The following CXorf38 variants were observed in gnomAD, a reference collection of about 807,000 sequenced individuals.
CXorf38 encodes chromosome X open reading frame 38, also known as uncharacterized protein CXorf38.
Under a neutral mutation model 27.5 loss-of-function variants are expected in CXorf38, and 13 were observed. That is an observed-to-expected ratio of 0.47 (90% CI 0.31 to 0.75). The LOEUF (loss-of-function observed/expected upper bound fraction) is 0.75. CXorf38 is among the 30% of genes least tolerant of loss of function. The pLI is 0.05. For missense variants in CXorf38, 240 were observed against 253.2 expected (o/e 0.95, Z 0.35); for synonymous variants, 100 against 99.8 (o/e 1.00, Z -0.01).
chrX:40,639,542 T>G (rs1444587843), intron 2 of CXorf38: 2 of 116,172 alleles, frequency 1.7e-5, no homozygotes, highest in African/African-American at 6.5e-5. Flanking sequence ...AGTATTATAT[T>G]AAGAGTCTGG....
intron 2 of CXorf38, chrX:40,640,327 C>A: frequency 4.1e-6 from 1 of 246,437 alleles, no homozygotes; most frequent in Non-Finnish European, 7.6e-6. Context: ...GACCCTGTTT[C>A]AAAACAAAAA....
intron 3 of CXorf38, among the ~76,000 whole-genome samples, chrX:40,638,636 G>A (rs1166267306): frequency 8.9e-6 from 1 of 112,084 alleles, no homozygotes; most frequent in Non-Finnish European, 1.9e-5. Flanking sequence ...GCAATGTTCT[G>A]TATTTTTTTT....
chrX:40,636,230 G>A (rs1946353003), intron 5 of CXorf38, among the ~76,000 whole-genome samples: 1 of 112,390 alleles, frequency 8.9e-6, no homozygotes, highest in Admixed American at 9.4e-5. Context: ...ATCTTTTTTG[G>A]CAATCCACCT....
intron 2 of CXorf38, 81 bp downstream of exon 2, chrX:40,646,926 G>A (rs930238118): frequency 6.2e-5 from 66 of 1,072,627 alleles, no homozygotes; most frequent in Admixed American, 9.1e-5. Flanking sequence ...ATGAGGCCCC[G>A]GCGACCACAA....
Position 40,633,606 on chromosome X carries a change from G to C in CXorf38, c.802-2833C>G, listed in dbSNP as rs568989605. On this transcript the variant is annotated intron_variant, in intron 5 of 6. Transcript: ENST00000327877. ...CTTCTAGAACTGTGCCTGGCACACA[G>C]TAGGTGCTCAATAAAAATTTCTAGA... 2.0e-4 allele frequency among the ~76,000 whole-genome samples: 22 copies of C among 111,454 alleles called. No individual in the cohort carries two copies. The South Asian group carries it at 8.1e-3, about 41-fold the overall frequency.
At chrX:40,636,914 T>C (rs1375300837) in intron 4 of CXorf38, 93 bp downstream of exon 4, 1 of 916,116 alleles carries the variant, frequency 1.1e-6, no homozygotes, top group African/African-American at 2.0e-5. Context: ...ACACTTAGGT[T>C]AAATCTAATA....
rs1927740026 is a variant in CXorf38 at position 40,630,771 on chromosome X, G to C, written c.804C>G (p.Leu268=). 3 of 1,208,762 alleles carry C rather than the reference G, an allele frequency of 2.5e-6. No homozygotes were observed. The highest frequency in any genetic ancestry group is 3.4e-6 in the Non-Finnish European group (3 of 893,739). ...CCTTCACCACTTCCAGTCGATTTGA[G>C]AGCTGCAAGAGGAAACCATGCAATG... ...AEEQEVLPEE[L]SNRLEVVKEF... Residue 268 remains leucine (L), a splice_region_variant and synonymous_variant, in exon 6 of 7, where the codon CTC becomes CTG. Coordinates refer to ENST00000327877, the MANE Select transcript of CXorf38 (RefSeq NM_144970.3).
intron 2 of CXorf38, among the ~76,000 whole-genome samples, chrX:40,640,634 A>T (rs1251697688): frequency 9.0e-6 from 1 of 111,173 alleles, no homozygotes; most frequent in African/African-American, 3.3e-5. Flanking sequence ...ATAGCCACAG[A>T]CAGGCCGACC....
intron 5 of CXorf38, among the ~76,000 whole-genome samples, chrX:40,633,171 G>A (rs778473993): frequency 8.2e-5 from 9 of 110,209 alleles, no homozygotes; most frequent in Admixed American, 1.9e-4. Context: ...CTTCTATCTC[G>A]GCCCCTCCCC....
At chrX:40,631,272 C>T (rs1238211252) in intron 5 of CXorf38, among the ~76,000 whole-genome samples, 2 of 98,788 alleles carry the variant, frequency 2.0e-5, no homozygotes, top group Non-Finnish European at 3.9e-5. Context: ...CACACACACA[C>T]ACACACACAC....
Position 40,627,732 on chromosome X carries a change from C to T in CXorf38, c.*2432G>A, listed in dbSNP as rs191552302. ...TGCCTCTATATATGATGCTACATTG[C>T]CTTAAAGCCCTCTCTAGGGCTTTAA... On this transcript the variant is annotated 3_prime_UTR_variant, in exon 7 of 7. Transcript: ENST00000327877. The T allele has an allele frequency of 7.1e-5, 8 of 111,906 alleles. No individual in the cohort carries two copies. The Admixed American group carries it at 7.6e-4, about 11-fold the overall frequency. 9.2% of individuals were successfully genotyped at this position (111,906 alleles called of 1,213,427 possible). A position where few individuals can be genotyped will look rare whatever the true frequency, so the allele number is the denominator to read the frequency against.
In CXorf38 at chrX:40,627,644, G is replaced by A. The variant is rs1927590737; in HGVS notation, c.*2520C>T. On this transcript the variant is annotated 3_prime_UTR_variant, in exon 7 of 7. Transcript: ENST00000327877. ...TTAACAGTGCTGCTGTACACATCCT[G>A]TTGTGCACACCCTTGTGCCCAGGTG... 1 of 112,380 alleles carries A rather than the reference G, an allele frequency of 8.9e-6. No individual in the cohort carries two copies. The highest frequency in any genetic ancestry group is 1.9e-5 in the Non-Finnish European group (1 of 53,325). 9.3% of individuals were successfully genotyped at this position (112,380 alleles called of 1,213,427 possible). A position where few individuals can be genotyped will look rare whatever the true frequency, so the allele number is the denominator to read the frequency against.
intron 4 of CXorf38, 65 bp downstream of exon 4, chrX:40,636,942 G>T: frequency 1.0e-6 from 1 of 1,001,009 alleles, no homozygotes; most frequent in Non-Finnish European, 1.4e-6. Context: ...AATTCTAAAT[G>T]TGTGGCTGTT....
At position 40,637,073 on chromosome X, in the gene CXorf38, G is replaced by C; in HGVS notation, c.555C>G (p.Ile185Met). Residue 185 changes from isoleucine (I) to methionine (M), a missense_variant, in exon 4 of 7, where the codon ATC becomes ATG. Transcript: ENST00000327877. Reference protein sequence around the residue: ...STWLRDFQMKIQNFLNEFKNI... With the variant: ...STWLRDFQMKMQNFLNEFKNI... Reference sequence around the variant, plus strand: ...TCTTGAATTCATTCAGAAAATTTTGGATCTTCATCTGAAAATCTCGAAGCC... The same window carrying C: ...TCTTGAATTCATTCAGAAAATTTTGCATCTTCATCTGAAAATCTCGAAGCC... 6.6e-6 allele frequency: 8 copies of C among 1,205,140 alleles called. No individual in the cohort carries two copies. Among genetic ancestry groups the C allele is most frequent in the Non-Finnish European group, 9.0e-6 (8 of 890,185 alleles).
intron 6 of CXorf38, 57 bp downstream of exon 6, chrX:40,630,557 A>G (rs1927728146): frequency 9.3e-7 from 1 of 1,077,324 alleles, no homozygotes; most frequent in Non-Finnish European, 1.3e-6. Flanking sequence ...GAGAATAGAC[A>G]TGAAAGAGAT....
intron 6 of CXorf38, 56 bp downstream of exon 6, chrX:40,630,558 T>C (rs1195849790): frequency 2.8e-6 from 3 of 1,083,160 alleles, no homozygotes; most frequent in Non-Finnish European, 3.8e-6. Flanking sequence ...AGAATAGACA[T>C]GAAAGAGATG....
At position 40,647,299 on chromosome X, in the gene CXorf38, G is replaced by T. The variant is rs1197380380; in HGVS notation, c.216+6C>A. 1 of 1,089,645 alleles carries T rather than the reference G, an allele frequency of 9.2e-7. No individual in the cohort carries two copies. The allele number at this position is 1,089,645 out of a possible 1,213,427, so 89.8% of individuals were successfully genotyped here. A position where few individuals can be genotyped will look rare whatever the true frequency, so the allele number is the denominator to read the frequency against. ...CGGTGGTCAAGGCCCCGAGCCAGGT[G>T]CTCACCTGGCGGGCGCGAGGGCTGC... On this transcript the variant is annotated splice_donor_region_variant and intron_variant, in intron 1 of 6. Transcript: ENST00000327877.
chrX:40,632,833 A>G (rs1156358559), intron 5 of CXorf38, among the ~76,000 whole-genome samples: 1 of 111,937 alleles, frequency 8.9e-6, no homozygotes, highest in Non-Finnish European at 1.9e-5. Flanking sequence ...AACACCACCT[A>G]GGATTCTTAT....
Position 40,647,070 on chromosome X carries a change from T to G in CXorf38, c.288A>C (p.Gly96=). Residue 96 remains glycine, a synonymous_variant, in exon 2 of 7, where the codon GGA becomes GGC. Coordinates refer to ENST00000327877, the MANE Select transcript of CXorf38 (RefSeq NM_144970.3). ...GCCGGCAGTTTCCCCAGTGCACATC[T>G]CCATTTCTGTTGACATGATGTCTCA... ...EILRHHVNRN[G]DVHWGNCRPG... is the part of the protein sequence containing the mutation. 8.3e-7 allele frequency: 1 copy of G among 1,211,790 alleles called. No homozygotes were observed. Among genetic ancestry groups the G allele is most frequent in the Non-Finnish European group, 1.1e-6 (1 of 895,297 alleles).
Sources: gnomAD v4.1 joint callset for allele counts (sites outside exome capture counted in the v4.1 genomes callset) on GRCh38, gnomAD v4.1.1 for gene constraint, MANE v1.5 for transcripts, NCBI Gene and HGNC (gene_info 2026-07-23, HGNC 2026-07-21) for gene names.